Variants in EBF1 observed in about 807,000 individuals in gnomAD.
The protein encoded by EBF1 is EBF transcription factor 1, also known as transcription factor COE1.
EBF1 carries 10 observed loss-of-function variants against 68.4 expected under a neutral mutation model. The observed-to-expected ratio is 0.15, with a 90% confidence interval of 0.09 to 0.25. The LOEUF (loss-of-function observed/expected upper bound fraction) is 0.25. EBF1 is among the 10% of genes least tolerant of loss of function. The pLI, the probability that EBF1 is intolerant of heterozygous loss-of-function variation, is 1.00. For synonymous variants in EBF1, 298 were observed against 299.8 expected, an observed-to-expected ratio of 0.99 and a Z score of 0.06; for missense variants, 509 against 794.4, an observed-to-expected ratio of 0.64 and a Z score of 4.32.
chr5:158,959,362 G>A (rs1817720943), intron 6 of EBF1, among the ~76,000 whole-genome samples: 1 of 150,328 alleles, frequency 6.7e-6, no homozygotes, highest in South Asian at 2.1e-4. Context: ...CTTGATCTCA[G>A]CTCACTGCAA....
chr5:158,840,827 A>G (rs1240871881), intron 6 of EBF1, among the ~76,000 whole-genome samples: 1 of 149,176 alleles, frequency 6.7e-6, no homozygotes, highest in Non-Finnish European at 1.5e-5. Context: ...GCCCGCCACT[A>G]CGCCCGGCTA....
chr5:158,916,685 T>C (rs1807256650), intron 6 of EBF1, among the ~76,000 whole-genome samples: 1 of 152,224 alleles, frequency 6.6e-6, no homozygotes, highest in African/African-American at 2.4e-5. Flanking sequence ...ACCTAATATG[T>C]ACTCTGGGCT....
intron 6 of EBF1, among the ~76,000 whole-genome samples, chr5:158,854,824 G>T (rs1465332448): frequency 6.6e-6 from 1 of 152,106 alleles, no homozygotes; most frequent in Non-Finnish European, 1.5e-5. Context: ...GGCCTTGTTG[G>T]CATGGGAATC....
chr5:159,083,363 TTA>T (rs1171051534), intron 5 of EBF1, among the ~76,000 whole-genome samples: 1 of 152,120 alleles, frequency 6.6e-6, no homozygotes, highest in Non-Finnish European at 1.5e-5. Context: ...TAATAATATC[TTA>T]TAAAGAAATC....
intron 6 of EBF1, among the ~76,000 whole-genome samples, chr5:158,904,926 T>G (rs1446057773): frequency 6.6e-6 from 1 of 152,334 alleles, no homozygotes; most frequent in East Asian, 1.9e-4. Context: ...TGTGCCCTAC[T>G]ACAAGAAGTG....
intron 9 of EBF1, among the ~76,000 whole-genome samples, chr5:158,780,526 AT>A (rs1581819816): frequency 6.6e-6 from 1 of 152,302 alleles, no homozygotes; most frequent in East Asian, 1.9e-4. Flanking sequence ...TAAAAAACTT[AT>A]TTTAAAAGAA....
chr5:158,924,852 C>CAAAAAAA (rs34744460), intron 6 of EBF1, among the ~76,000 whole-genome samples: 2 of 50,890 alleles, frequency 3.9e-5, no homozygotes, highest in African/African-American at 7.7e-5. Context: ...GACTCTGTCT[C>CAAAAAAA]AAAAAAAAAA....
intron 11 of EBF1, among the ~76,000 whole-genome samples, chr5:158,722,571 C>A (rs1762149834): frequency 6.6e-6 from 1 of 152,138 alleles, no homozygotes; most frequent in South Asian, 2.1e-4. Flanking sequence ...GTGACACGTT[C>A]CCATACTATA....
At chr5:158,805,807 T>A (rs368312699) in intron 8 of EBF1, among the ~76,000 whole-genome samples, 1 of 152,026 alleles carries the variant, frequency 6.6e-6, no homozygotes, top group Non-Finnish European at 1.5e-5. Flanking sequence ...ATAATTCCAA[T>A]TGGATGAATG....
chr5:158,721,910 T>C (rs1015884208), intron 11 of EBF1, among the ~76,000 whole-genome samples: 2 of 152,286 alleles, frequency 1.3e-5, no homozygotes, highest in East Asian at 3.9e-4. Flanking sequence ...TCCCTTTTTT[T>C]TTTTTATTTG....
chr5:158,884,998 G>A (rs1799739289), intron 6 of EBF1, among the ~76,000 whole-genome samples: 1 of 152,202 alleles, frequency 6.6e-6, no homozygotes, highest in Non-Finnish European at 1.5e-5. Flanking sequence ...CAAATGGAGA[G>A]AAGGGGTGCT....
intron 6 of EBF1, among the ~76,000 whole-genome samples, chr5:158,861,898 A>T (rs983499753): frequency 6.6e-6 from 1 of 152,156 alleles, no homozygotes; most frequent in Admixed American, 6.5e-5. Flanking sequence ...AGCCACCTGT[A>T]TCCCATTTTG....
chr5:158,831,641 G>A (rs913563378), intron 7 of EBF1, among the ~76,000 whole-genome samples: 19 of 152,074 alleles, frequency 1.2e-4, no homozygotes, highest in Non-Finnish European at 2.1e-4. Flanking sequence ...CTTCTTTAAG[G>A]AAGTGACAAA....
At chr5:158,854,667 G>A (rs377421857) in intron 6 of EBF1, among the ~76,000 whole-genome samples, 7 of 152,154 alleles carry the variant, frequency 4.6e-5, no homozygotes, top group South Asian at 2.1e-4. Context: ...CAACTGACTC[G>A]GTGCCTTCCT....
intron 7 of EBF1, among the ~76,000 whole-genome samples, chr5:158,836,207 C>A (rs1360080860): frequency 6.6e-6 from 1 of 152,142 alleles, no homozygotes; most frequent in Non-Finnish European, 1.5e-5. Context: ...GACATCTGGA[C>A]AGTTAGATCT....
intron 6 of EBF1, among the ~76,000 whole-genome samples, chr5:159,032,177 A>G (rs920118593): frequency 6.6e-6 from 1 of 152,202 alleles, no homozygotes; most frequent in Non-Finnish European, 1.5e-5. Flanking sequence ...CCACTTATTT[A>G]TACATTAATT....
chr5:159,090,411 A>C (rs138746031), intron 4 of EBF1, among the ~76,000 whole-genome samples: 41 of 152,294 alleles, frequency 2.7e-4, no homozygotes, highest in Non-Finnish European at 5.3e-4. Flanking sequence ...TAGTGGAATA[A>C]AATAAAAAAA....
In EBF1 at chr5:158,697,281, T is replaced by C. The variant is rs893437683; in HGVS notation, c.*1830A>G. The C allele has an allele frequency of 5.2e-5, 10 of 192,346 alleles. No homozygotes were observed. Among genetic ancestry groups the C allele is most frequent in the African/African-American group, 1.9e-4 (8 of 43,106 alleles). The allele number at this position is 192,346 out of a possible 1,614,324, so 11.9% of individuals were successfully genotyped here. A position where few individuals can be genotyped will look rare whatever the true frequency, so the allele number is the denominator to read the frequency against. ...AGAATAATATGCTACTATTTTTTTT[T>C]TTTTGCCATATATTGGAAAAAACTT... On this transcript the variant is annotated 3_prime_UTR_variant, in exon 16 of 16. Transcript: ENST00000313708.
At chr5:158,792,687 G>A (rs1334748904) in intron 9 of EBF1, among the ~76,000 whole-genome samples, 2 of 152,184 alleles carry the variant, frequency 1.3e-5, no homozygotes, top group Non-Finnish European at 2.9e-5. Flanking sequence ...TCAAGATCAT[G>A]TGGTCTGGGG....
Sources: gnomAD v4.1 joint callset for allele counts (sites outside exome capture counted in the v4.1 genomes callset) on GRCh38, gnomAD v4.1.1 for gene constraint, MANE v1.5 for transcripts, NCBI Gene and HGNC (gene_info 2026-07-23, HGNC 2026-07-21) for gene names.